NRXN3: variants seen among roughly 807,000 people sequenced by gnomAD.
The protein encoded by NRXN3 is neurexin 3.
A neutral mutation model predicts 137.6 loss-of-function variants in NRXN3; 32 were observed. The ratio of observed to expected loss-of-function variants is 0.23; its 90% CI spans 0.18 to 0.31. NRXN3 has a LOEUF of 0.31. Among genes scored for constraint, NRXN3 ranks in the 10% least tolerant of loss-of-function variants. The pLI, the probability that NRXN3 is intolerant of heterozygous loss-of-function variation, is 1.00. For missense variants in NRXN3, 1,574 were observed against 2,062.5 expected (o/e 0.76, Z 4.59); for synonymous variants, 798 against 784.5 (o/e 1.02, Z -0.29).
chr14:79,675,148 A>G (rs2098633795), intron 17 of NRXN3, among the ~76,000 whole-genome samples: 1 of 152,100 alleles, frequency 6.6e-6, no homozygotes, highest in Non-Finnish European at 1.5e-5. Flanking sequence ...ATTTGGATGT[A>G]GACAGGGAAA....
rs149031168 is a variant in NRXN3, at chr14:79,331,421, T to G, written c.3263-135800T>G. On this transcript the variant is annotated intron_variant, in intron 15 of 20. Transcript: ENST00000335750. ...TTCACCTATAAACCCAGAAAAATAC[T>G]GCTGGAGTTCAGAGGCCCTGACTGT... Among the ~76,000 whole-genome samples, 958 of 152,298 alleles carry G rather than the reference T, an allele frequency of 6.3e-3. 9 individuals are homozygous for G. Among genetic ancestry groups the G allele is most frequent in the African/African-American group, 0.022 (926 of 41,556 alleles).
intron 20 of NRXN3, among the ~76,000 whole-genome samples, chr14:79,810,687 G>T (rs913329305): frequency 1.3e-5 from 2 of 152,088 alleles, no homozygotes; most frequent in Non-Finnish European, 2.9e-5. Context: ...TTTTCCAGGT[G>T]GAACTGGATT....
chr14:79,298,470 C>A (rs886101173), intron 15 of NRXN3, among the ~76,000 whole-genome samples: 1 of 151,956 alleles, frequency 6.6e-6, no homozygotes, highest in Admixed American at 6.6e-5. Context: ...ATAGGGAGAC[C>A]ACGGTTCTGC....
In NRXN3 at chr14:79,405,274, T is replaced by C. The variant is rs2095287501; in HGVS notation, c.3263-61947T>C. The stretch of plus-strand genomic sequence containing the variant: ...ACAGCATGCTCGGAGGTAGAGCACA[T>C]AGTAAGGCCATTAGCTTAAATGGGG... On this transcript the variant is annotated intron_variant, in intron 15 of 20. Coordinates refer to ENST00000335750, the MANE Select transcript of NRXN3 (RefSeq NM_001330195.2). Among the ~76,000 whole-genome samples, 2 of 152,126 alleles carry C rather than the reference T, an allele frequency of 1.3e-5. 1 individual carries two copies. Among genetic ancestry groups the C allele is most frequent in the Non-Finnish European group, 2.9e-5 (2 of 68,020 alleles).
In NRXN3 at chr14:78,211,206, A is replaced by G. The variant is rs185149278; in HGVS notation, c.-703-31185A>G. 1.3e-4 allele frequency among the ~76,000 whole-genome samples: 20 copies of G among 152,370 alleles called. No homozygotes were observed. The East Asian group carries it at 3.7e-3, about 28-fold the overall frequency. On this transcript the variant is annotated intron_variant, in intron 1 of 20. Coordinates refer to ENST00000335750, the MANE Select transcript of NRXN3 (RefSeq NM_001330195.2). ...GTTTGTTCAGTGTTATTTGGATTGT[A>G]GGAAGAATTAGAATTGAGATCTGTC...
intron 4 of NRXN3, among the ~76,000 whole-genome samples, chr14:78,510,232 ATAAAT>A (rs1030312930): frequency 2.7e-4 from 41 of 151,522 alleles, no homozygotes; most frequent in African/African-American, 7.8e-4. Context: ...TACTATAAAA[ATAAAT>A]TAAATAAAAA....
At chr14:78,611,701 C>T (rs1023181963) in intron 4 of NRXN3, among the ~76,000 whole-genome samples, 2 of 152,182 alleles carry the variant, frequency 1.3e-5, no homozygotes, top group Admixed American at 1.3e-4. Context: ...AGCCCCTAGA[C>T]AGGACTCTTT....
intron 10 of NRXN3, among the ~76,000 whole-genome samples, chr14:78,922,274 A>G (rs1163459613): frequency 1.3e-5 from 2 of 152,228 alleles, no homozygotes; most frequent in Non-Finnish European, 2.9e-5. Flanking sequence ...CGAGCTTGTG[A>G]ATAAAACAAG....
intron 10 of NRXN3, among the ~76,000 whole-genome samples, chr14:78,951,894 G>T (rs182208440): frequency 2.6e-5 from 4 of 152,300 alleles, no homozygotes; most frequent in Admixed American, 2.6e-4. Context: ...CACGGAGAAA[G>T]AGGTGAGTAG....
intron 8 of NRXN3, among the ~76,000 whole-genome samples, chr14:78,738,337 G>A (rs560250230): frequency 5.3e-4 from 81 of 152,248 alleles, no homozygotes; most frequent in African/African-American, 1.9e-3. Flanking sequence ...ACTCAAACCT[G>A]GTCCCCAAAG....
chr14:79,627,963 C>T lies in NRXN3; in HGVS notation c.3445-35815C>T, dbSNP rs915778122. Among the ~76,000 whole-genome samples the T allele has an allele frequency of 5.3e-5, 8 of 152,136 alleles. No homozygotes were observed. The East Asian group carries it at 1.5e-3, about 29-fold the overall frequency. ...TCATTGTAGACTTTAAAAAACCTAA[C>T]AAATTGGATTTCAGCCTCTTTCTTA... On this transcript the variant is annotated intron_variant, in intron 16 of 20. Transcript: ENST00000335750.
chr14:78,856,977 C>G (rs913761092), intron 10 of NRXN3, among the ~76,000 whole-genome samples: 19 of 152,176 alleles, frequency 1.2e-4, no homozygotes. Flanking sequence ...AAGTAATCTG[C>G]CTGCCTCAGC....
chr14:78,180,499 G>C (rs1402822435), intron 1 of NRXN3, among the ~76,000 whole-genome samples: 1 of 152,206 alleles, frequency 6.6e-6, no homozygotes. Flanking sequence ...AATCATTCTC[G>C]TTGTACAGGT....
At chr14:79,649,983 C>A (rs1377238194) in intron 16 of NRXN3, among the ~76,000 whole-genome samples, 1 of 152,158 alleles carries the variant, frequency 6.6e-6, no homozygotes, top group Non-Finnish European at 1.5e-5. Flanking sequence ...CAGATGGCCA[C>A]CTTCTTGCTG....
At chr14:79,330,931 C>T (rs115576990) in intron 15 of NRXN3, among the ~76,000 whole-genome samples, 1,602 of 151,166 alleles carry the variant, frequency 0.011, 31 homozygotes, top group African/African-American at 0.037. Context: ...AGTCAAATGC[C>T]AAAGCCATTT....
chr14:78,845,827 GT>G (rs898597659), intron 10 of NRXN3, among the ~76,000 whole-genome samples: 2 of 151,638 alleles, frequency 1.3e-5, no homozygotes, highest in African/African-American at 4.8e-5. Flanking sequence ...ATCTTCATAT[GT>G]TTTTGGGTTA....
At chr14:79,185,393 T>A (rs936066538) in intron 15 of NRXN3, among the ~76,000 whole-genome samples, 2 of 152,164 alleles carry the variant, frequency 1.3e-5, no homozygotes, top group Non-Finnish European at 2.9e-5. Context: ...AACATTCTAA[T>A]TGTAAAAGAT....
At chr14:79,487,989 T>C (rs542314953) in intron 16 of NRXN3, among the ~76,000 whole-genome samples, 2 of 152,230 alleles carry the variant, frequency 1.3e-5, no homozygotes, top group East Asian at 3.9e-4. Flanking sequence ...TGGGCCTTCA[T>C]ACCTGGGAGG....
At chr14:78,896,226 A>C (rs1414404902) in intron 10 of NRXN3, among the ~76,000 whole-genome samples, 1 of 151,906 alleles carries the variant, frequency 6.6e-6, no homozygotes, top group Non-Finnish European at 1.5e-5. Context: ...TTTTAAATAG[A>C]GTTGATTGCA....
Sources: allele counts gnomAD v4.1 joint callset (sites outside exome capture counted in the v4.1 genomes callset), GRCh38; gene constraint gnomAD v4.1.1; transcripts MANE v1.5; gene names NCBI Gene and HGNC (gene_info 2026-07-23, HGNC 2026-07-21).